ACTR3C: variants seen among roughly 807,000 people sequenced by gnomAD.
ACTR3C encodes the protein actin-related protein 3C.
A neutral mutation model predicts 26.3 loss-of-function variants in ACTR3C; 18 were observed. The observed-to-expected ratio is 0.68, with a 90% CI of 0.47 to 1.01. The LOEUF (loss-of-function observed/expected upper bound fraction) is 1.01, where lower values mean the gene tolerates loss of function less well. Ranked by LOEUF, ACTR3C falls within the 50% of genes least tolerant of loss-of-function variation. The pLI is 0.00. For synonymous variants in ACTR3C, 55 were observed against 94.5 expected (o/e 0.58, Z 2.42); for missense variants, 184 against 250.7 (o/e 0.73, Z 1.80).
At chr7:150,145,231 G>A in the ACTR3C span, among the ~76,000 whole-genome samples, 1 of 152,140 alleles carries the variant, frequency 6.6e-6, no homozygotes, top group Admixed American at 6.5e-5. Flanking sequence ...GACACATGGA[G>A]AGGGAGAGTT....
chr7:149,933,700 C>T, the ACTR3C span, among the ~76,000 whole-genome samples: 1 of 152,164 alleles, frequency 6.6e-6, no homozygotes, highest in Non-Finnish European at 1.5e-5. Flanking sequence ...CTACTCAACA[C>T]TAGCAACGCA....
intron 1 of ACTR3C, among the ~76,000 whole-genome samples, chr7:150,320,779 A>G (rs1182259514): frequency 6.6e-6 from 1 of 152,036 alleles, no homozygotes; most frequent in East Asian, 1.9e-4. Flanking sequence ...AAAAACAAAA[A>G]CAAGAATGCC....
the ACTR3C span, among the ~76,000 whole-genome samples, chr7:150,195,238 A>G: frequency 1.3e-5 from 2 of 151,576 alleles, no homozygotes; most frequent in Non-Finnish European, 2.9e-5. Context: ...CCTTTTAACC[A>G]TGCTATAAAT....
intron 1 of ACTR3C, among the ~76,000 whole-genome samples, chr7:150,316,124 G>C (rs1233331267): frequency 6.6e-6 from 1 of 152,192 alleles, no homozygotes; most frequent in Non-Finnish European, 1.5e-5. Context: ...CTGAACCCGG[G>C]AGGTGGAGGT....
the ACTR3C span, among the ~76,000 whole-genome samples, chr7:149,890,002 T>C: frequency 6.6e-6 from 1 of 152,250 alleles, no homozygotes; most frequent in Non-Finnish European, 1.5e-5. Context: ...AATCAAAGAC[T>C]GGCTTTAATA....
the ACTR3C span, among the ~76,000 whole-genome samples, chr7:150,228,725 A>G: frequency 6.6e-6 from 1 of 151,960 alleles, no homozygotes; most frequent in East Asian, 1.9e-4. Flanking sequence ...AACTGTAACA[A>G]TGAATTCATT....
chr7:149,968,036 C>T, the ACTR3C span, among the ~76,000 whole-genome samples: 4 of 152,300 alleles, frequency 2.6e-5, no homozygotes, highest in East Asian at 1.9e-4. Context: ...GCTAAGCTAA[C>T]GCTGGGAACT....
At chr7:150,088,447 C>T in the ACTR3C span, among the ~76,000 whole-genome samples, 1 of 152,082 alleles carries the variant, frequency 6.6e-6, no homozygotes, top group Non-Finnish European at 1.5e-5. Context: ...AAATGAAAGA[C>T]AGCAAAAAGG....
At chr7:150,077,842 T>A in the ACTR3C span, among the ~76,000 whole-genome samples, 1 of 152,186 alleles carries the variant, frequency 6.6e-6, no homozygotes. Flanking sequence ...TTTCTTTCAA[T>A]TGCCAGGAAA....
the ACTR3C span, among the ~76,000 whole-genome samples, chr7:150,115,709 T>C: frequency 6.6e-6 from 1 of 152,098 alleles, no homozygotes; most frequent in Admixed American, 6.6e-5. Context: ...CATGGGCAAA[T>C]AGGTACAGTA....
At chr7:150,148,720 G>A in the ACTR3C span, among the ~76,000 whole-genome samples, 2 of 152,038 alleles carry the variant, frequency 1.3e-5, no homozygotes, top group Non-Finnish European at 2.9e-5. Context: ...TTAATTCACT[G>A]ATAGCTGTAG....
At chr7:150,053,690 C>T in the ACTR3C span, among the ~76,000 whole-genome samples, 1 of 152,238 alleles carries the variant, frequency 6.6e-6, no homozygotes, top group Non-Finnish European at 1.5e-5. Context: ...AACGTCTTTT[C>T]CTGACAGCAA....
chr7:149,883,950 G>C, the ACTR3C span, among the ~76,000 whole-genome samples: 1 of 148,814 alleles, frequency 6.7e-6, no homozygotes, highest in East Asian at 2.1e-4. Flanking sequence ...GAGAGATCTA[G>C]CACATTCCAT....
chr7:150,054,263 G>A, the ACTR3C span, among the ~76,000 whole-genome samples: 1 of 152,232 alleles, frequency 6.6e-6, no homozygotes, highest in Admixed American at 6.5e-5. Context: ...GTAACAGACT[G>A]GAATGTTGTT....
the ACTR3C span, among the ~76,000 whole-genome samples, chr7:149,923,628 G>C: frequency 6.6e-6 from 1 of 152,148 alleles, no homozygotes; most frequent in Non-Finnish European, 1.5e-5. Context: ...AATGCAAGGA[G>C]ACCTTAATAG....
the ACTR3C span, among the ~76,000 whole-genome samples, chr7:150,065,238 C>T: frequency 3.3e-5 from 5 of 152,128 alleles, no homozygotes; most frequent in African/African-American, 9.7e-5. Flanking sequence ...ATAAGGGAGA[C>T]ATCGCATCAT....
the ACTR3C span, among the ~76,000 whole-genome samples, chr7:150,186,058 GTCAGTCCAGAGCTGGTGGAAGAGC>G: frequency 6.6e-6 from 1 of 152,140 alleles, no homozygotes. Context: ...GCAATAGGAG[GTCAGTCCAGAGCTGGTGGAAGAGC>G]TCAGTCTGCA....
chr7:149,934,367 A>G, the ACTR3C span, among the ~76,000 whole-genome samples: 1 of 152,146 alleles, frequency 6.6e-6, no homozygotes, highest in African/African-American at 2.4e-5. Flanking sequence ...GGTGAAGCAA[A>G]AGCTCCAGAG....
At chr7:150,088,333 A>T in the ACTR3C span, among the ~76,000 whole-genome samples, 2 of 152,218 alleles carry the variant, frequency 1.3e-5, no homozygotes, top group Non-Finnish European at 2.9e-5. Flanking sequence ...TGGTCCTATT[A>T]TGCATTAGAT....
Sources: allele counts gnomAD v4.1 joint callset (sites outside exome capture counted in the v4.1 genomes callset), GRCh38; gene constraint gnomAD v4.1.1; transcripts MANE v1.5; gene names NCBI Gene and HGNC (gene_info 2026-07-23, HGNC 2026-07-21).